The following ITGAM variants were observed in gnomAD, a reference collection of about 807,000 sequenced individuals.
ITGAM encodes the protein integrin subunit alpha M.
Under a neutral mutation model 137.5 loss-of-function variants are expected in ITGAM, and 79 were observed. That is an observed-to-expected ratio of 0.57 (90% CI 0.48 to 0.69). The LOEUF is 0.69. Among genes scored for constraint, ITGAM ranks in the 30% least tolerant of loss-of-function variants. The probability of loss-of-function intolerance (pLI) is 0.00; values close to 1 mark genes in which losing one functional copy is unlikely to be tolerated. For missense variants in ITGAM, 1,343 were observed against 1,483.5 expected (o/e 0.91, Z 1.56); for synonymous variants, 583 against 592.3 (o/e 0.98, Z 0.23).
chr16:31,301,449 CTATTT>C (rs2080196532), intron 14 of ITGAM, among the ~76,000 whole-genome samples: 1 of 152,092 alleles, frequency 6.6e-6, no homozygotes, highest in Admixed American at 6.6e-5. Flanking sequence ...TAGTACCATA[CTATTT>C]TAAGTACTAT....
chr16:31,308,731 T>C (rs1465621794), intron 14 of ITGAM, among the ~76,000 whole-genome samples: 10 of 152,282 alleles, frequency 6.6e-5, no homozygotes, highest in Non-Finnish European at 1.0e-4. Flanking sequence ...CTAGTTCTTT[T>C]AATTGCGATG....
intron 8 of ITGAM, among the ~76,000 whole-genome samples, chr16:31,275,271 G>T (rs1293062540): frequency 1.3e-5 from 2 of 152,146 alleles, no homozygotes; most frequent in Non-Finnish European, 2.9e-5. Context: ...AAAGAAAAAG[G>T]CTCCCCTTCC....
intron 5 of ITGAM, among the ~76,000 whole-genome samples, chr16:31,270,720 T>C (rs1464641929): frequency 1.9e-5 from 2 of 105,852 alleles, no homozygotes; most frequent in Non-Finnish European, 3.8e-5. Context: ...TATATATATA[T>C]ATATATATAT....
intron 22 of ITGAM, 47 bp downstream of exon 22, chr16:31,326,982 C>T: frequency 7.1e-7 from 1 of 1,406,918 alleles, no homozygotes; most frequent in East Asian, 2.3e-5. Flanking sequence ...CGTCTGACGC[C>T]CCAGCCCCTG....
intron 7 of ITGAM, 84 bp downstream of exon 7, chr16:31,272,076 C>T (rs1050445757): frequency 3.3e-6 from 5 of 1,538,400 alleles, no homozygotes; most frequent in South Asian, 1.1e-5. Context: ...GCCGTTCAGA[C>T]AGGGGTGGTA....
intron 14 of ITGAM, among the ~76,000 whole-genome samples, chr16:31,301,597 A>G (rs2080198107): frequency 6.6e-6 from 1 of 152,248 alleles, no homozygotes; most frequent in African/African-American, 2.4e-5. Flanking sequence ...AGCAAGGCTT[A>G]TTAGCTCATA....
intron 14 of ITGAM, among the ~76,000 whole-genome samples, chr16:31,308,687 C>T (rs12935087): frequency 0.17 from 26,107 of 151,720 alleles, 2,713 homozygotes; most frequent in African/African-American, 0.3. Flanking sequence ...TTCTTGCCTT[C>T]TGCTAGCTTT....
intron 5 of ITGAM, among the ~76,000 whole-genome samples, chr16:31,267,901 C>T (rs2079787599): frequency 6.6e-6 from 1 of 152,170 alleles, no homozygotes; most frequent in African/African-American, 2.4e-5. Context: ...ACCTCAGCCT[C>T]CCACAGTGCT....
At chr16:31,278,205 T>C in intron 12 of ITGAM, 96 bp downstream of exon 12, 1 of 1,336,084 alleles carries the variant, frequency 7.5e-7, no homozygotes, top group Admixed American at 2.4e-5. Flanking sequence ...CATGGCCCTC[T>C]TGTAAAGGAG....
At chr16:31,262,087 C>G (rs967203284) in intron 2 of ITGAM, among the ~76,000 whole-genome samples, 2 of 152,098 alleles carry the variant, frequency 1.3e-5, no homozygotes, top group Non-Finnish European at 2.9e-5. Flanking sequence ...AACACATACA[C>G]GTTCCCTCCC....
chr16:31,283,095 G>C (rs1266236279), intron 12 of ITGAM, among the ~76,000 whole-genome samples: 1 of 152,216 alleles, frequency 6.6e-6, no homozygotes, highest in African/African-American at 2.4e-5. Context: ...TCAGCTGCTA[G>C]TCTGATGGGC....
At chr16:31,265,309 C>A in intron 2 of ITGAM, 86 bp from the exon 3 acceptor site, 1 of 623,198 alleles carries the variant, frequency 1.6e-6, no homozygotes, top group South Asian at 2.6e-5. Context: ...TGGGCCCCCA[C>A]CGTCCTCTGG....
chr16:31,323,465 A>G (rs1360881701), intron 16 of ITGAM, among the ~76,000 whole-genome samples: 2 of 152,118 alleles, frequency 1.3e-5, no homozygotes, highest in Non-Finnish European at 2.9e-5. Flanking sequence ...GATGAAAGAC[A>G]TCAAGATTCT....
At chr16:31,330,205 G>C (rs751085658) in intron 26 of ITGAM, 41 bp downstream of exon 26, 1 of 1,602,840 alleles carries the variant, frequency 6.2e-7, no homozygotes, top group South Asian at 1.1e-5. Flanking sequence ...CAGAGACCCA[G>C]AGCGCTTCCC....
At chr16:31,325,102 GC>G in intron 19 of ITGAM, 71 bp downstream of exon 19, 1 of 1,498,040 alleles carries the variant, frequency 6.7e-7, no homozygotes. Context: ...TCTCCTCCTG[GC>G]CCCCAAGGGA....
intron 8 of ITGAM, 140 bp downstream of exon 8, chr16:31,273,658 G>A (rs1184068224): frequency 1.3e-6 from 1 of 772,890 alleles, no homozygotes; most frequent in Admixed American, 2.7e-5. Context: ...TCAGCTATCT[G>A]TTGCCACATC....
rs758063769 is a variant in ITGAM, at chr16:31,265,378, C to T, written c.135-17C>T. 31 of 1,504,076 alleles carry T rather than the reference C, an allele frequency of 2.1e-5. No individual in the cohort carries two copies. The highest frequency in any genetic ancestry group is 1.2e-4 in the South Asian group (10 of 82,736). 93.2% of individuals were successfully genotyped at this position (1,504,076 alleles called of 1,614,324 possible). ...CCCACATGTCGAAGTTTTCTCTGTT[C>T]CCACTTCTCCCCACAGGGTGGTGGT... On this transcript the variant is annotated splice_polypyrimidine_tract_variant and intron_variant, in intron 2 of 29. Transcript: ENST00000544665.
At chr16:31,280,794 C>T (rs1317385967) in intron 12 of ITGAM, among the ~76,000 whole-genome samples, 2 of 152,154 alleles carry the variant, frequency 1.3e-5, no homozygotes, top group Non-Finnish European at 1.5e-5. Flanking sequence ...CTGTCATGTG[C>T]CAGTTTTCAA....
Position 31,329,434 on chromosome 16 carries a change from ATCAC to A in ITGAM, c.2868+135_2868+138del. On this transcript the variant is annotated intron_variant, in intron 24 of 29. Coordinates refer to ENST00000544665, the MANE Select transcript of ITGAM (RefSeq NM_000632.4). Reference sequence around the variant, plus strand: ...GTGCCAGGCTTGGTTCCACGCTGCTATCACTCAGTATGCACACATACACGCACGT... The same window carrying A: ...GTGCCAGGCTTGGTTCCACGCTGCTATCAGTATGCACACATACACGCACGT... The A allele has an allele frequency of 7.0e-6, 5 of 714,892 alleles. No homozygotes were observed. The South Asian group carries it at 7.8e-5, about 11-fold the overall frequency. 44.3% of individuals were successfully genotyped at this position (714,892 alleles called of 1,614,324 possible).
Sources: allele counts gnomAD v4.1 joint callset (sites outside exome capture counted in the v4.1 genomes callset), GRCh38; gene constraint gnomAD v4.1.1; transcripts MANE v1.5; gene names NCBI Gene and HGNC (gene_info 2026-07-23, HGNC 2026-07-21).